Variants in PDE3A observed in about 807,000 individuals in gnomAD.
The protein encoded by PDE3A is cGMP-inhibited 3',5'-cyclic phosphodiesterase 3A.
A neutral mutation model predicts 98.3 loss-of-function variants in PDE3A; 43 were observed. That is an observed-to-expected ratio of 0.44 (90% CI 0.34 to 0.56). The LOEUF (loss-of-function observed/expected upper bound fraction) is 0.56. PDE3A is among the 20% of genes least tolerant of loss of function. PDE3A has a pLI of 0.01. For missense variants in PDE3A, 1,427 were observed against 1,440.7 expected, an observed-to-expected ratio of 0.99 and a Z score of 0.15; for synonymous variants, 663 against 567.9, an observed-to-expected ratio of 1.17 and a Z score of -2.38.
At chr12:20,487,786 T>G (rs1287084791) in intron 1 of PDE3A, among the ~76,000 whole-genome samples, 1 of 152,202 alleles carries the variant, frequency 6.6e-6, no homozygotes, top group Non-Finnish European at 1.5e-5. Flanking sequence ...TGTCAGTTTC[T>G]ATTATTTTCA....
At chr12:20,557,016 TC>T (rs1265213568) in intron 2 of PDE3A, 1 of 299,002 alleles carries the variant, frequency 3.3e-6, no homozygotes, top group Admixed American at 5.2e-5. Flanking sequence ...TTTATTCATT[TC>T]CTTTGACAAT....
intron 2 of PDE3A, among the ~76,000 whole-genome samples, chr12:20,601,172 A>G (rs1943582166): frequency 6.6e-6 from 1 of 152,206 alleles, no homozygotes; most frequent in Non-Finnish European, 1.5e-5. Flanking sequence ...GGATCTATGT[A>G]TATATGTAAG....
intron 1 of PDE3A, among the ~76,000 whole-genome samples, chr12:20,537,511 A>C (rs2121207709): frequency 6.6e-6 from 1 of 152,204 alleles, no homozygotes. Context: ...TGAAATTATT[A>C]GTTTTTTAAT....
intron 2 of PDE3A, among the ~76,000 whole-genome samples, chr12:20,604,216 G>A (rs879098423): frequency 1.3e-5 from 2 of 150,948 alleles, no homozygotes; most frequent in South Asian, 4.2e-4. Context: ...AAGAGGGGAG[G>A]GGAGGAGAGG....
chr12:20,606,037 A>C (rs61912119), intron 2 of PDE3A, among the ~76,000 whole-genome samples: 35 of 152,310 alleles, frequency 2.3e-4, no homozygotes, highest in Non-Finnish European at 4.9e-4. Context: ...CCTCAAAGCA[A>C]ATTTATCAAG....
chr12:20,618,036 C>G (rs937333888), intron 4 of PDE3A, among the ~76,000 whole-genome samples: 4 of 152,140 alleles, frequency 2.6e-5, no homozygotes, highest in Non-Finnish European at 5.9e-5. Flanking sequence ...CATTCTCATT[C>G]TCTCATTCCT....
At chr12:20,669,723 C>G in intron 15 of PDE3A, among the ~76,000 whole-genome samples, 1 of 152,104 alleles carries the variant, frequency 6.6e-6, no homozygotes, top group South Asian at 2.1e-4. Flanking sequence ...AAGGAACAAC[C>G]AGTACCAGCT....
chr12:20,386,854 A>C (rs61911352), intron 1 of PDE3A, among the ~76,000 whole-genome samples: 1 of 152,050 alleles, frequency 6.6e-6, no homozygotes, highest in African/African-American at 2.4e-5. Flanking sequence ...GCCCATGCCT[A>C]TGTCCTAAAT....
Position 20,552,297 on chromosome 12 carries a change from T to A in PDE3A, c.961-4363T>A. 1 of 1,613,636 alleles carries A rather than the reference T, an allele frequency of 6.2e-7. No homozygotes were observed. Among genetic ancestry groups the A allele is most frequent in the Non-Finnish European group, 8.5e-7 (1 of 1,179,836 alleles). On this transcript the variant is annotated intron_variant, in intron 1 of 15. Transcript: ENST00000359062. This position sits in a 1 kb window ranked among gnomAD's most constrained non-coding sequence, Gnocchi z 5.1. The stretch of plus-strand genomic sequence containing the variant: ...CCCCCGCTGAGGGCAACCGCTACGA[T>A]GGCATCTACAAGGTTGTGAAATACT...
chr12:20,532,392 A>G (rs907686153), intron 1 of PDE3A, among the ~76,000 whole-genome samples: 1 of 152,128 alleles, frequency 6.6e-6, no homozygotes, highest in Non-Finnish European at 1.5e-5. Flanking sequence ...ATGTTAACTT[A>G]TTTATGTAAT....
chr12:20,673,236 T>G (rs1235531037), intron 15 of PDE3A, among the ~76,000 whole-genome samples: 1 of 151,896 alleles, frequency 6.6e-6, no homozygotes, highest in Non-Finnish European at 1.5e-5. Flanking sequence ...ATAGGAACAC[T>G]TTTACACTGT....
At chr12:20,411,137 A>G (rs1403868253) in intron 1 of PDE3A, among the ~76,000 whole-genome samples, 2 of 152,222 alleles carry the variant, frequency 1.3e-5, no homozygotes, top group Non-Finnish European at 2.9e-5. Context: ...AAATCATGGT[A>G]TAATACACAT....
intron 1 of PDE3A, among the ~76,000 whole-genome samples, chr12:20,470,151 A>G (rs1255088343): frequency 6.6e-6 from 1 of 152,018 alleles, no homozygotes; most frequent in Non-Finnish European, 1.5e-5. Context: ...CTAATCATTC[A>G]GTATCCTCCA....
chr12:20,570,633 T>C (rs1041711399), intron 2 of PDE3A, among the ~76,000 whole-genome samples: 5 of 152,126 alleles, frequency 3.3e-5, no homozygotes, highest in Non-Finnish European at 7.4e-5. Flanking sequence ...CATAGAGAAG[T>C]GTCTGTTAGA....
At chr12:20,473,414 C>G (rs1945475638) in intron 1 of PDE3A, among the ~76,000 whole-genome samples, 1 of 152,116 alleles carries the variant, frequency 6.6e-6, no homozygotes, top group Admixed American at 6.6e-5. Flanking sequence ...TCCTGGTAGA[C>G]TGGATTGGAA....
intron 1 of PDE3A, among the ~76,000 whole-genome samples, chr12:20,403,816 A>C (rs1328368599): frequency 6.6e-6 from 1 of 152,126 alleles, no homozygotes; most frequent in African/African-American, 2.4e-5. Flanking sequence ...ATTTTTATTT[A>C]GGTTTTTCTG....
At chr12:20,659,472 CT>C (rs1419009409) in intron 15 of PDE3A, among the ~76,000 whole-genome samples, 1 of 151,888 alleles carries the variant, frequency 6.6e-6, no homozygotes, top group Admixed American at 6.6e-5. Context: ...TAAGACTTTT[CT>C]TTTTTTTCTT....
chr12:20,638,050 T>C (rs1019392118), intron 9 of PDE3A, among the ~76,000 whole-genome samples: 4 of 152,076 alleles, frequency 2.6e-5, no homozygotes, highest in African/African-American at 9.7e-5. Flanking sequence ...ACCATCAAAC[T>C]TGTGAATATA....
intron 1 of PDE3A, among the ~76,000 whole-genome samples, chr12:20,470,298 A>T (rs1055359429): frequency 6.6e-6 from 1 of 152,098 alleles, no homozygotes; most frequent in Non-Finnish European, 1.5e-5. Flanking sequence ...TTTTATTTTG[A>T]ATGTTGTTCT....
Sources: allele counts gnomAD v4.1 joint callset (sites outside exome capture counted in the v4.1 genomes callset), GRCh38; gene constraint gnomAD v4.1.1; non-coding constraint Gnocchi (gnomAD v3.1); transcripts MANE v1.5; gene names NCBI Gene and HGNC (gene_info 2026-07-23, HGNC 2026-07-21).